FTO: variants seen among roughly 807,000 people sequenced by gnomAD.
FTO encodes alpha-ketoglutarate-dependent dioxygenase FTO.
A neutral mutation model predicts 63.9 loss-of-function variants in FTO; 47 were observed. That is an observed-to-expected ratio of 0.74 (90% confidence interval 0.58 to 0.94). The LOEUF (loss-of-function observed/expected upper bound fraction) is 0.94. Among genes scored for constraint, FTO ranks in the 40% least tolerant of loss-of-function variants. The probability of loss-of-function intolerance (pLI) is 0.00; values close to 1 mark genes in which losing one functional copy is unlikely to be tolerated. For synonymous variants in FTO, 207 were observed against 224.4 expected (o/e 0.92, Z 0.69); for missense variants, 562 against 618.1 (o/e 0.91, Z 0.96).
intron 8 of FTO, among the ~76,000 whole-genome samples, chr16:54,095,392 A>C (rs1025984096): frequency 6.6e-6 from 1 of 151,074 alleles, no homozygotes. Flanking sequence ...ACAAGCGTCC[A>C]TCACAACCAC....
chr16:54,048,126 T>TTAAAAAA (rs1555504346), intron 8 of FTO, among the ~76,000 whole-genome samples: 1 of 56,470 alleles, frequency 1.8e-5, no homozygotes, highest in African/African-American at 1.1e-4. Flanking sequence ...AAAAAAAAAT[T>TTAAAAAA]AAAAAAAAAA....
At chr16:54,056,873 C>T (rs764393592) in intron 8 of FTO, among the ~76,000 whole-genome samples, 22 of 152,110 alleles carry the variant, frequency 1.4e-4, no homozygotes, top group Non-Finnish European at 2.6e-4. Flanking sequence ...ATTTGTTACC[C>T]GGCATTAGGT....
At chr16:54,019,011 G>A (rs2084526824) in intron 8 of FTO, among the ~76,000 whole-genome samples, 1 of 152,196 alleles carries the variant, frequency 6.6e-6, no homozygotes, top group South Asian at 2.1e-4. Context: ...CCAATGATGC[G>A]ATTGGAGACT....
intron 8 of FTO, among the ~76,000 whole-genome samples, chr16:54,066,444 C>G (rs2085734687): frequency 6.6e-6 from 1 of 152,218 alleles, no homozygotes; most frequent in African/African-American, 2.4e-5. Flanking sequence ...ACTCTGAAGT[C>G]TCTATATAGC....
intron 8 of FTO, chr16:54,008,388 G>A (rs566452634): frequency 1.4e-5 from 2 of 146,194 alleles, no homozygotes; most frequent in East Asian, 4.0e-4. Flanking sequence ...TATTGTGTAT[G>A]TTACCTCACA....
intron 5 of FTO, 76 bp downstream of exon 5, chr16:53,873,941 G>A: frequency 9.1e-7 from 1 of 1,095,994 alleles, no homozygotes; most frequent in Non-Finnish European, 1.4e-6. Flanking sequence ...TTACTATAGA[G>A]CTTTGGAAGA....
intron 4 of FTO, among the ~76,000 whole-genome samples, chr16:53,863,735 C>A (rs1442947747): frequency 6.6e-6 from 1 of 152,146 alleles, no homozygotes. Context: ...CTCTGAGTGC[C>A]CTGTAAGCTT....
chr16:54,004,376 GAGCAAGACCCTGCAA>G (rs1214447144), intron 8 of FTO, among the ~76,000 whole-genome samples: 2 of 145,342 alleles, frequency 1.4e-5, no homozygotes, highest in Non-Finnish European at 3.0e-5. Context: ...CTGGGCAACA[GAGCAAGACCCTGCAA>G]ATAAATAAAT....
chr16:54,017,485 C>T (rs1248217565), intron 8 of FTO, among the ~76,000 whole-genome samples: 1 of 152,308 alleles, frequency 6.6e-6, no homozygotes, highest in African/African-American at 2.4e-5. Context: ...GAATGCAGTG[C>T]CTTCCAGCCC....
intron 8 of FTO, among the ~76,000 whole-genome samples, chr16:53,996,161 C>T (rs1045539880): frequency 3.9e-5 from 6 of 152,200 alleles, no homozygotes; most frequent in Non-Finnish European, 5.9e-5. Flanking sequence ...AACCTTGAAA[C>T]CTCCCATTTC....
In FTO at chr16:54,112,328, C is replaced by A. The variant is rs2086909837; in HGVS notation, c.*413C>A. 7.7e-6 allele frequency: 2 copies of A among 260,776 alleles called. No homozygotes were observed. The highest frequency in any genetic ancestry group is 1.5e-5 in the Non-Finnish European group (2 of 133,228). 16.2% of individuals were successfully genotyped at this position (260,776 alleles called of 1,614,324 possible). On this transcript the variant is annotated 3_prime_UTR_variant, in exon 9 of 9. Transcript: ENST00000471389. ...AGAGACATCCCAGTTACTCACCACACCCATAGTGCTGTCCAATATGGTAGC... is the reference window on the plus strand; with the variant it reads ...AGAGACATCCCAGTTACTCACCACAACCATAGTGCTGTCCAATATGGTAGC...
At chr16:53,830,335 G>T (rs915112161) in intron 3 of FTO, among the ~76,000 whole-genome samples, 1 of 152,142 alleles carries the variant, frequency 6.6e-6, no homozygotes, top group Non-Finnish European at 1.5e-5. Context: ...GCAATTGCTT[G>T]TTACTCCTAG....
chr16:54,106,227 C>T (rs373075205), intron 8 of FTO, among the ~76,000 whole-genome samples: 14 of 151,978 alleles, frequency 9.2e-5, no homozygotes, highest in African/African-American at 3.4e-4. Context: ...GGGAAATCAG[C>T]GGGCAGTGAC....
intron 8 of FTO, among the ~76,000 whole-genome samples, chr16:54,049,025 T>C (rs1363717212): frequency 6.6e-6 from 1 of 152,152 alleles, no homozygotes; most frequent in Non-Finnish European, 1.5e-5. Flanking sequence ...TTTCTTTCTT[T>C]TTTTCCCCCC....
chr16:53,959,127 T>C (rs948478568), intron 8 of FTO, among the ~76,000 whole-genome samples: 1 of 152,166 alleles, frequency 6.6e-6, no homozygotes, highest in African/African-American at 2.4e-5. Context: ...ATGTTTATTA[T>C]CTCTAATTTT....
intron 8 of FTO, chr16:54,040,149 C>G (rs2085037263): frequency 6.6e-6 from 1 of 152,128 alleles, no homozygotes; most frequent in East Asian, 1.9e-4. Flanking sequence ...TAAAATAATC[C>G]TTTTAGGGAT....
At chr16:53,732,911 A>C (rs938675744) in intron 1 of FTO, among the ~76,000 whole-genome samples, 3 of 152,236 alleles carry the variant, frequency 2.0e-5, no homozygotes, top group African/African-American at 7.2e-5. Context: ...ATGAATGAGT[A>C]AGGAAAAAAG....
At chr16:53,924,697 CG>C (rs2082096235) in intron 7 of FTO, among the ~76,000 whole-genome samples, 1 of 152,070 alleles carries the variant, frequency 6.6e-6, no homozygotes, top group Non-Finnish European at 1.5e-5. Flanking sequence ...ATCTCTTAGC[CG>C]AGGTCATCCA....
At chr16:53,984,330 T>C (rs1352588433) in intron 8 of FTO, among the ~76,000 whole-genome samples, 1 of 130,972 alleles carries the variant, frequency 7.6e-6, no homozygotes, top group African/African-American at 3.2e-5. Context: ...TCTTTTTTTT[T>C]TTTTTTTTTT....
Sources: gnomAD v4.1 joint callset for allele counts (sites outside exome capture counted in the v4.1 genomes callset) on GRCh38, gnomAD v4.1.1 for gene constraint, MANE v1.5 for transcripts, NCBI Gene and HGNC (gene_info 2026-07-23, HGNC 2026-07-21) for gene names.